Variants in E2F8 observed in about 807,000 individuals in gnomAD.
The protein encoded by E2F8 is E2F transcription factor 8, also known as transcription factor E2F8.
Under a neutral mutation model 80.8 loss-of-function variants are expected in E2F8, and 35 were observed. That is an observed-to-expected ratio of 0.43 (90% CI 0.33 to 0.57). The LOEUF (loss-of-function observed/expected upper bound fraction) is 0.57. Among genes scored for constraint, E2F8 ranks in the 20% least tolerant of loss-of-function variants. The probability of loss-of-function intolerance (pLI) is 0.04; values close to 1 mark genes in which losing one functional copy is unlikely to be tolerated. For missense variants in E2F8, 975 were observed against 1,056.2 expected (o/e 0.92, Z 1.07); for synonymous variants, 386 against 395.0 (o/e 0.98, Z 0.27).
intron 10 of E2F8, among the ~76,000 whole-genome samples, chr11:19,226,513 A>C (rs1200794379): frequency 6.6e-6 from 1 of 152,224 alleles, no homozygotes; most frequent in African/African-American, 2.4e-5. Flanking sequence ...AAACACTTTA[A>C]ATGACATTGA....
intron 6 of E2F8, 30 bp from the exon 7 acceptor site, chr11:19,232,401 T>C: frequency 6.4e-7 from 1 of 1,569,662 alleles, no homozygotes; most frequent in African/African-American, 1.4e-5. Context: ...TACCACTTAA[T>C]GGAATAATGA....
chr11:19,238,067 T>C lies in E2F8; in HGVS notation c.81A>G (p.Thr27=). ...GGATCTCTGCCAACACGATATTTGC[T>C]GTGGTGGATTCTTTCAGAGGTGTTT... ...LMKTPLKEST[T]ANIVLAEIQP... Residue 27 remains threonine (T), a synonymous_variant, in exon 3 of 13, where the codon ACA becomes ACG. Coordinates refer to ENST00000250024, the MANE Select transcript of E2F8 (RefSeq NM_024680.4). The C allele has an allele frequency of 6.2e-7, 1 of 1,614,210 alleles. No individual in the cohort carries two copies. The highest frequency in any genetic ancestry group is 1.1e-5 in the South Asian group (1 of 91,088).
At chr11:19,237,811 C>T (rs372547560) in intron 3 of E2F8, 43 bp downstream of exon 3, 926 of 1,573,528 alleles carry the variant, frequency 5.9e-4, no homozygotes, top group Non-Finnish European at 7.6e-4. Context: ...CCCCCTCCCC[C>T]CAACAAATTC....
Position 19,225,370 on chromosome 11 carries a change from T to C in E2F8, c.2272A>G (p.Ile758Val). The C allele has an allele frequency of 8.7e-6, 14 of 1,614,194 alleles. No homozygotes were observed. Among genetic ancestry groups the C allele is most frequent in the Admixed American group, 1.7e-5 (1 of 60,026 alleles). Reference protein sequence around the residue: ...VQLSASPGSGIVPVSPRIESV... With the variant: ...VQLSASPGSGVVPVSPRIESV... ...TCTATTCTTGGAGACACAGGAACGA[T>C]TCCAGACCCAGGGCTGGCAGACAAC... Residue 758 changes from isoleucine to valine, a missense_variant, in exon 12 of 13, where the codon ATC becomes GTC. Transcript: ENST00000250024.
At chr11:19,224,952 G>GT in intron 12 of E2F8, 112 bp from the exon 13 acceptor site, 1 of 1,329,354 alleles carries the variant, frequency 7.5e-7, no homozygotes, top group Non-Finnish European at 1.0e-6. Context: ...GGAAACTGGC[G>GT]TATCTTGAAA....
intron 5 of E2F8, 111 bp downstream of exon 5, chr11:19,234,633 A>G: frequency 1.3e-6 from 2 of 1,530,366 alleles, no homozygotes; most frequent in Non-Finnish European, 1.8e-6. Flanking sequence ...CAACTGTGGC[A>G]TCTGAACATT....
At position 19,224,516 on chromosome 11, in the gene E2F8, A is replaced by T; in HGVS notation, c.*142T>A. 4.0e-5 allele frequency: 28 copies of T among 697,354 alleles called. No homozygotes were observed. The highest frequency in any genetic ancestry group is 6.1e-5 in the Non-Finnish European group (26 of 429,532). 43.2% of individuals were successfully genotyped at this position (697,354 alleles called of 1,614,324 possible). ...GTGTGTGTATATATATATATGTATG[A>T]AAACAACTATCTGATTTCACATTGA... On this transcript the variant is annotated 3_prime_UTR_variant, in exon 13 of 13. Transcript: ENST00000250024.
rs11025067 is a variant in E2F8, at chr11:19,237,568, G to A, written c.295-98C>T. 0.18 allele frequency: 238,328 copies of A among 1,297,294 alleles called. 23,537 individuals are homozygous for A. The highest frequency in any genetic ancestry group is 0.32 in the East Asian group (13,231 of 41,104). The allele number at this position is 1,297,294 out of a possible 1,614,324, so 80.4% of individuals were successfully genotyped here. A position where few individuals can be genotyped will look rare whatever the true frequency, so the allele number is the denominator to read the frequency against. ...CGATGACTGACACCAACTTACACAC[G>A]CTTAGCTTCAACAGCTGCAAAGTCT... On this transcript the variant is annotated intron_variant, in intron 3 of 12. Transcript: ENST00000250024.
In E2F8 at chr11:19,230,869, A is replaced by G. The variant is rs751494930; in HGVS notation, c.1067-35T>C. On this transcript the variant is annotated intron_variant, in intron 7 of 12. Coordinates refer to ENST00000250024, the MANE Select transcript of E2F8 (RefSeq NM_024680.4). ...AAAACGTCTGTGTATTAAAACCTGG[A>G]TGGCTCAGTTGGCTTTTGGGATATG... The G allele has an allele frequency of 3.0e-5, 48 of 1,604,678 alleles. No homozygotes were observed. In the Admixed American group the frequency reaches 3.4e-4, roughly 11 times the overall value.
chr11:19,235,035 C>T lies in E2F8; in HGVS notation c.475G>A (p.Asp159Asn), dbSNP rs751632122. Reference sequence around the variant, plus strand: ...AAACTCTCTAGGACGTTCACGATATCGTAAATGCGTCGACGTTCAACATCT... The same window carrying T: ...AAACTCTCTAGGACGTTCACGATATTGTAAATGCGTCGACGTTCAACATCT... ...ELNVERRRIYDIVNVLESLHM... is the reference protein window; with the variant it reads ...ELNVERRRIYNIVNVLESLHM... The change falls in exon 5 of 13, where the codon GAT (aspartate) becomes AAT (asparagine). Residue 159 changes from aspartate (D) to asparagine (N), a missense_variant. Physicochemically the swap from Asp to Asn is conservative, Grantham distance 23. Transcript: ENST00000250024. 1 of 1,607,474 alleles carries T rather than the reference C, an allele frequency of 6.2e-7. No homozygotes were observed. Among genetic ancestry groups the T allele is most frequent in the Non-Finnish European group, 8.5e-7 (1 of 1,176,416 alleles).
In E2F8 at chr11:19,225,412, T is replaced by A. The variant is rs1477166651; in HGVS notation, c.2230A>T (p.Ile744Phe). 1 of 1,614,066 alleles carries A rather than the reference T, an allele frequency of 6.2e-7. No homozygotes were observed. Among genetic ancestry groups the A allele is most frequent in the Non-Finnish European group, 8.5e-7 (1 of 1,180,040 alleles). The change falls in exon 12 of 13, where the codon ATC (isoleucine) becomes TTC (phenylalanine). Residue 744 changes from isoleucine to phenylalanine, a missense_variant. Transcript: ENST00000250024. ...GCAGACAACTGCACATTGGGTGAGA[T>A]GAGTCCCAGGTGCTGCAGGGTGAAG... ...VNFTLQHLGL[I>F]SPNVQLSASP...
intron 9 of E2F8, 81 bp downstream of exon 9, chr11:19,230,157 GCTT>G: frequency 6.6e-7 from 1 of 1,505,066 alleles, no homozygotes; most frequent in South Asian, 1.3e-5. Context: ...CAAGGCTAGG[GCTT>G]CTTCTCACAT....
intron 4 of E2F8, 70 bp from the exon 5 acceptor site, chr11:19,235,128 C>T (rs1427492680): frequency 7.2e-7 from 1 of 1,394,646 alleles, no homozygotes; most frequent in Non-Finnish European, 9.7e-7. Flanking sequence ...CTTTTTCTTC[C>T]ATTGGTTTAT....
intron 2 of E2F8, 40 bp downstream of exon 2, chr11:19,240,067 A>G: frequency 6.8e-7 from 1 of 1,473,584 alleles, no homozygotes; most frequent in Non-Finnish European, 9.1e-7. Context: ...ATGATACTGA[A>G]TTTAAAATTG....
intron 2 of E2F8, among the ~76,000 whole-genome samples, chr11:19,238,988 G>T (rs1237028671): frequency 6.6e-6 from 1 of 152,148 alleles, no homozygotes; most frequent in Non-Finnish European, 1.5e-5. Context: ...CATAAATAAG[G>T]CTAATGGAGA....
rs367819993 is a variant in E2F8 at position 19,225,361 on chromosome 11, C to T, written c.2281G>A (p.Val761Met). ...SASPGSGIVP[V>M]SPRIESVNVA... ...TTAACAGACTCTATTCTTGGAGACA[C>T]AGGAACGATTCCAGACCCAGGGCTG... The change falls in exon 12 of 13, where the codon GTG becomes ATG. Residue 761 changes from valine (V) to methionine (M), a missense_variant. Transcript: ENST00000250024. 550 of 1,614,154 alleles carry T rather than the reference C, an allele frequency of 3.4e-4. 1 individual carries two copies. Among genetic ancestry groups the T allele is most frequent in the Non-Finnish European group, 4.5e-4 (532 of 1,180,034 alleles).
chr11:19,234,412 C>A lies in E2F8; in HGVS notation c.876G>T (p.Lys292Asn), dbSNP rs1851460411. 1 of 1,614,194 alleles carries A rather than the reference C, an allele frequency of 6.2e-7. No individual in the cohort carries two copies. Among genetic ancestry groups the A allele is most frequent in the Non-Finnish European group, 8.5e-7 (1 of 1,180,034 alleles). Residue 292 changes from lysine (K) to asparagine (N), a missense_variant, in exon 6 of 13, where the codon AAG becomes AAT. Lys to Asn is a moderately conservative substitution (Grantham distance 94). Transcript: ENST00000250024. ...CCACATGGTCCTCCCCAATTAAAAT[C>A]TTGGCAGCAACTTCTAGGCTTACTA... ...PQIVSLEVAA[K>N]ILIGEDHVED...
Position 19,240,095 on chromosome 11 carries a change from G to C in E2F8, c.15+12C>G. The C allele has an allele frequency of 2.0e-6, 3 of 1,526,070 alleles. No homozygotes were observed. The highest frequency in any genetic ancestry group is 2.6e-6 in the Non-Finnish European group (3 of 1,132,410). The allele number at this position is 1,526,070 out of a possible 1,614,324, so 94.5% of individuals were successfully genotyped here. The stretch of plus-strand genomic sequence containing the variant: ...TAAAATTGCAATGATGAATACTGAA[G>C]TTATAAAGTACCTTTTCGTTCTCCA... On this transcript the variant is annotated intron_variant, in intron 2 of 12. Transcript: ENST00000250024.
At chr11:19,239,365 T>C (rs1162215566) in intron 2 of E2F8, among the ~76,000 whole-genome samples, 1 of 152,184 alleles carries the variant, frequency 6.6e-6, no homozygotes, top group Admixed American at 6.5e-5. Flanking sequence ...GATCTGACAA[T>C]AGGCTTTTTC....
Sources: gnomAD v4.1 joint callset for allele counts (sites outside exome capture counted in the v4.1 genomes callset) on GRCh38, gnomAD v4.1.1 for gene constraint, MANE v1.5 for transcripts, NCBI Gene and HGNC (gene_info 2026-07-23, HGNC 2026-07-21) for gene names.